The following CAMK2A variants were observed in gnomAD, a reference collection of about 807,000 sequenced individuals.
CAMK2A encodes the protein calcium/calmodulin-dependent protein kinase type II subunit alpha.
CAMK2A carries 7 observed loss-of-function variants against 79.2 expected under a neutral mutation model. The observed-to-expected ratio is 0.09, with a 90% CI of 0.05 to 0.17. The LOEUF is 0.17. Among genes scored for constraint, CAMK2A ranks in the 10% least tolerant of loss-of-function variants. CAMK2A has a pLI of 1.00. For synonymous variants in CAMK2A, 242 were observed against 251.7 expected, an observed-to-expected ratio of 0.96 and a Z score of 0.36; for missense variants, 214 against 646.4, an observed-to-expected ratio of 0.33 and a Z score of 7.25.
chr5:150,221,400 A>G lies in CAMK2A; in HGVS notation c.*1310T>C. The G allele has an allele frequency of 5.0e-6, 2 of 398,698 alleles. No homozygotes were observed. The highest frequency in any genetic ancestry group is 8.8e-6 in the Non-Finnish European group (2 of 226,060). 24.7% of individuals were successfully genotyped at this position (398,698 alleles called of 1,614,324 possible). A position where few individuals can be genotyped will look rare whatever the true frequency, so the allele number is the denominator to read the frequency against. ...TGGTCATCAGACGCCAAGGGGAGAG[A>G]GGCAATGAAGACACACGCTCACGGG... is the stretch of plus-strand genomic sequence containing the variant. On this transcript the variant is annotated 3_prime_UTR_variant, in exon 19 of 19. Coordinates refer to ENST00000671881, the MANE Select transcript of CAMK2A (RefSeq NM_015981.4).
At chr5:150,266,907 C>T (rs2150296594) in intron 2 of CAMK2A, among the ~76,000 whole-genome samples, 1 of 152,252 alleles carries the variant, frequency 6.6e-6, no homozygotes, top group Middle Eastern at 3.4e-3. Flanking sequence ...AGCCCTTGTT[C>T]CCAGGAATCC....
At chr5:150,257,711 C>T (rs998664010) in intron 3 of CAMK2A, 94 bp from the exon 4 acceptor site, 34 of 978,652 alleles carry the variant, frequency 3.5e-5, no homozygotes, top group Middle Eastern at 4.4e-4. Flanking sequence ...CCAACACCCC[C>T]CGCTCCCAGA....
At chr5:150,265,466 AC>A (rs1249641903) in intron 2 of CAMK2A, 1 of 161,928 alleles carries the variant, frequency 6.2e-6, no homozygotes, top group African/African-American at 2.4e-5. Context: ...ACTCACTCCT[AC>A]CAATCCTTAG....
chr5:150,259,615 T>C (rs1221625190), intron 3 of CAMK2A, among the ~76,000 whole-genome samples: 1 of 152,194 alleles, frequency 6.6e-6, no homozygotes, highest in African/African-American at 2.4e-5. Flanking sequence ...TTAAATATAT[T>C]CTAAAGCAAA....
At chr5:150,283,406 G>T (rs1439797589) in intron 1 of CAMK2A, among the ~76,000 whole-genome samples, 1 of 152,040 alleles carries the variant, frequency 6.6e-6, no homozygotes, top group African/African-American at 2.4e-5. Context: ...ACAAGGTCTT[G>T]CTCTGTCACC....
chr5:150,262,365 G>A (rs1177073920), intron 3 of CAMK2A, among the ~76,000 whole-genome samples: 1 of 152,134 alleles, frequency 6.6e-6, no homozygotes, highest in African/African-American at 2.4e-5. Flanking sequence ...GCACGTCTTT[G>A]GGAAGATTAC....
chr5:150,234,916 G>A (rs1015451397), intron 15 of CAMK2A, among the ~76,000 whole-genome samples: 3 of 152,202 alleles, frequency 2.0e-5, no homozygotes, highest in Admixed American at 6.5e-5. Flanking sequence ...GGGCCCCGAA[G>A]TGAACACCTG....
At chr5:150,270,954 C>A (rs112008736) in intron 2 of CAMK2A, among the ~76,000 whole-genome samples, 4 of 152,168 alleles carry the variant, frequency 2.6e-5, no homozygotes, top group African/African-American at 9.7e-5. Flanking sequence ...TGTGAATGTG[C>A]CTCGAGAGTG....
intron 13 of CAMK2A, among the ~76,000 whole-genome samples, chr5:150,244,939 C>T (rs969907338): frequency 6.6e-6 from 1 of 152,158 alleles, no homozygotes; most frequent in Admixed American, 6.5e-5. Flanking sequence ...TTCCACCCTC[C>T]TCCAGTCCCC....
chr5:150,270,239 T>C lies in CAMK2A; in HGVS notation c.157+2826A>G, dbSNP rs1376335111. On this transcript the variant is annotated intron_variant, in intron 2 of 18. Coordinates refer to ENST00000671881, the MANE Select transcript of CAMK2A (RefSeq NM_015981.4). ...ATGCAGGGGCTTGGGCCCCACCTAC[T>C]GAATCCAACTTCATGGGTGGAACTC... Among the ~76,000 whole-genome samples, 3 of 152,254 alleles carry C rather than the reference T, an allele frequency of 2.0e-5. No individual in the cohort carries two copies. The East Asian group carries it at 5.8e-4, about 29-fold the overall frequency.
intron 2 of CAMK2A, among the ~76,000 whole-genome samples, chr5:150,271,257 T>A (rs1020467115): frequency 6.6e-6 from 1 of 152,216 alleles, no homozygotes; most frequent in Non-Finnish European, 1.5e-5. Context: ...CTTTTCATAC[T>A]GACTGTATAG....
At chr5:150,257,179 T>C (rs1021411957) in intron 4 of CAMK2A, among the ~76,000 whole-genome samples, 13 of 152,192 alleles carry the variant, frequency 8.5e-5, no homozygotes, top group African/African-American at 2.7e-4. Flanking sequence ...TTTTTATCGA[T>C]GAGACTGGCC....
intron 6 of CAMK2A, among the ~76,000 whole-genome samples, chr5:150,254,592 C>G (rs1755973966): frequency 1.3e-5 from 2 of 152,318 alleles, no homozygotes; most frequent in African/African-American, 4.8e-5. Flanking sequence ...CTGCTTTGCA[C>G]TGGCTCAGCC....
chr5:150,273,761 G>C (rs1756845367), intron 1 of CAMK2A, among the ~76,000 whole-genome samples: 1 of 152,170 alleles, frequency 6.6e-6, no homozygotes, highest in Admixed American at 6.5e-5. Context: ...AGAGTTCCTT[G>C]TTACTTAGTA....
At chr5:150,231,770 T>G (rs1332692844) in intron 15 of CAMK2A, among the ~76,000 whole-genome samples, 4 of 152,208 alleles carry the variant, frequency 2.6e-5, no homozygotes, top group African/African-American at 9.6e-5. Context: ...CCTACCACCT[T>G]TGCTTTGCCA....
At chr5:150,283,515 C>G (rs1757299264) in intron 1 of CAMK2A, among the ~76,000 whole-genome samples, 1 of 152,204 alleles carries the variant, frequency 6.6e-6, no homozygotes, top group African/African-American at 2.4e-5. Flanking sequence ...GCTGGAACTA[C>G]AGGCGTGCAC....
Position 150,279,818 on chromosome 5 carries a change from G to A in CAMK2A, c.63-6659C>T, listed in dbSNP as rs1757135297. ...GTCCGGCGCATGGCTGAGAATGTGG[G>A]AACGTGCTAATGGGCTGTGAAAAGC... On this transcript the variant is annotated intron_variant, in intron 1 of 18. Coordinates refer to ENST00000671881, the MANE Select transcript of CAMK2A (RefSeq NM_015981.4). 2.0e-5 allele frequency among the ~76,000 whole-genome samples: 3 copies of A among 152,230 alleles called. 1 individual carries two copies. Among genetic ancestry groups the A allele is most frequent in the Non-Finnish European group, 4.4e-5 (3 of 68,034 alleles).
Position 150,250,803 on chromosome 5 carries a change from G to A in CAMK2A, c.701C>T (p.Ser234Leu), listed in dbSNP as rs1160671001. ...QIKAGAYDFPSPEWDTVTPEA... is the reference protein window; with the variant it reads ...QIKAGAYDFPLPEWDTVTPEA... ...CGGGGTGACAGTGTCCCATTCCGGCGATGGGAACTGGAAGGGGCAGAGAGG... is the reference window on the plus strand; with the variant it reads ...CGGGGTGACAGTGTCCCATTCCGGCAATGGGAACTGGAAGGGGCAGAGAGG... Residue 234 changes from serine to leucine, a missense_variant, in exon 10 of 19, where the codon TCG (serine) becomes TTG (leucine). Transcript: ENST00000671881. 1.2e-6 allele frequency: 2 copies of A among 1,613,904 alleles called. No homozygotes were observed. The highest frequency in any genetic ancestry group is 1.7e-5 in the Admixed American group (1 of 60,002).
chr5:150,289,662 G>A lies in CAMK2A; in HGVS notation c.-37C>T. 1 of 1,579,984 alleles carries A rather than the reference G, an allele frequency of 6.3e-7. No homozygotes were observed. Among genetic ancestry groups the A allele is most frequent in the Non-Finnish European group, 8.7e-7 (1 of 1,150,362 alleles). On this transcript the variant is annotated 5_prime_UTR_variant, in exon 1 of 19. Transcript: ENST00000671881. ...GCAGGCAGGTGAGGCTTGGGACTGG[G>A]GGACCAGGACTGAGGCGCTGCTGCT...
Sources: allele counts gnomAD v4.1 joint callset (sites outside exome capture counted in the v4.1 genomes callset), GRCh38; gene constraint gnomAD v4.1.1; transcripts MANE v1.5; gene names NCBI Gene and HGNC (gene_info 2026-07-23, HGNC 2026-07-21).